The following ADGRB3 variants were observed in gnomAD, a reference collection of about 807,000 sequenced individuals.
The protein encoded by ADGRB3 is brain-specific angiogenesis inhibitor 3.
ADGRB3 carries 37 observed loss-of-function variants against 193.4 expected under a neutral mutation model. That is an observed-to-expected ratio of 0.19 (90% CI 0.15 to 0.25). ADGRB3 has a LOEUF of 0.25. ADGRB3 is among the 10% of genes least tolerant of loss of function. The probability of loss-of-function intolerance (pLI) is 1.00; values close to 1 mark genes in which losing one functional copy is unlikely to be tolerated. For synonymous variants in ADGRB3, 690 were observed against 644.2 expected, an observed-to-expected ratio of 1.07 and a Z score of -1.08; for missense variants, 1,637 against 1,852.9, an observed-to-expected ratio of 0.88 and a Z score of 2.14.
intron 3 of ADGRB3, among the ~76,000 whole-genome samples, chr6:68,825,667 C>G (rs1767829592): frequency 6.6e-6 from 1 of 151,964 alleles, no homozygotes; most frequent in Non-Finnish European, 1.5e-5. Context: ...GGTGGTTTCC[C>G]CCATGCTGTT....
chr6:68,797,961 C>T (rs1182965994), intron 3 of ADGRB3, among the ~76,000 whole-genome samples: 1 of 152,076 alleles, frequency 6.6e-6, no homozygotes, highest in East Asian at 1.9e-4. Flanking sequence ...TAGCTGTGGG[C>T]ATTTTCTATT....
At chr6:68,883,410 A>G (rs1038188657) in intron 3 of ADGRB3, among the ~76,000 whole-genome samples, 2 of 152,198 alleles carry the variant, frequency 1.3e-5, no homozygotes, top group Non-Finnish European at 2.9e-5. Context: ...CAGCTGCGGC[A>G]ATCAGGTTGC....
At chr6:68,781,597 C>A (rs2127361285) in intron 3 of ADGRB3, among the ~76,000 whole-genome samples, 1 of 151,830 alleles carries the variant, frequency 6.6e-6, no homozygotes, top group East Asian at 1.9e-4. Flanking sequence ...TATATTCATA[C>A]CAGATAAATC....
intron 21 of ADGRB3, among the ~76,000 whole-genome samples, chr6:69,325,299 GCT>G (rs1768543933): frequency 6.6e-6 from 1 of 151,956 alleles, no homozygotes; most frequent in African/African-American, 2.4e-5. Flanking sequence ...GAAAAACAGT[GCT>G]CTCTGTTAAT....
chr6:68,969,896 T>C (rs1235522592), intron 8 of ADGRB3, among the ~76,000 whole-genome samples: 1 of 152,206 alleles, frequency 6.6e-6, no homozygotes, highest in Non-Finnish European at 1.5e-5. Flanking sequence ...TTGAATCATT[T>C]CACTTTTTTA....
Position 68,993,912 on chromosome 6 carries a change from A to G in ADGRB3, c.1879A>G (p.Thr627Ala), listed in dbSNP as rs758025679. ...GTCTGTGGAGATCCTGAGAAATGTG[A>G]CAGACACATTTAAAAGGGCAAGTTA... is the stretch of plus-strand genomic sequence containing the variant. Reference protein sequence around the residue: ...LMSVEILRNVTDTFKRASYIP... With the variant: ...LMSVEILRNVADTFKRASYIP... Residue 627 changes from threonine to alanine, a missense_variant, in exon 11 of 32, where the codon ACA (threonine) becomes GCA (alanine). Transcript: ENST00000370598. 6.2e-7 allele frequency: 1 copy of G among 1,613,866 alleles called. No homozygotes were observed. The highest frequency in any genetic ancestry group is 1.1e-5 in the South Asian group (1 of 91,064).
intron 3 of ADGRB3, among the ~76,000 whole-genome samples, chr6:68,886,370 A>C (rs1765908025): frequency 6.6e-6 from 1 of 152,100 alleles, no homozygotes; most frequent in South Asian, 2.1e-4. Flanking sequence ...CTCTCTTCTA[A>C]CAGGAGCAAC....
intron 3 of ADGRB3, among the ~76,000 whole-genome samples, chr6:68,897,963 A>G (rs537599700): frequency 5.4e-5 from 8 of 147,658 alleles, no homozygotes; most frequent in African/African-American, 9.8e-5. Context: ...ATAATATAAT[A>G]ATAATTATAT....
At chr6:68,898,695 A>T (rs144834605) in intron 3 of ADGRB3, among the ~76,000 whole-genome samples, 22 of 152,280 alleles carry the variant, frequency 1.4e-4, no homozygotes, top group African/African-American at 4.8e-4. Context: ...GAAATCAGTC[A>T]AATGCCAACT....
chr6:69,270,498 A>T (rs1250584479), intron 20 of ADGRB3, among the ~76,000 whole-genome samples: 1 of 152,204 alleles, frequency 6.6e-6, no homozygotes, highest in Non-Finnish European at 1.5e-5. Flanking sequence ...TTGAGAAAAG[A>T]AAATAACACT....
At chr6:69,030,107 G>T (rs1426522966) in intron 13 of ADGRB3, among the ~76,000 whole-genome samples, 1 of 151,806 alleles carries the variant, frequency 6.6e-6, no homozygotes, top group Non-Finnish European at 1.5e-5. Flanking sequence ...TAAAAAGTCA[G>T]GAAACAACAG....
intron 17 of ADGRB3, among the ~76,000 whole-genome samples, chr6:69,223,315 C>G (rs1582557348): frequency 1.3e-5 from 2 of 152,166 alleles, no homozygotes; most frequent in African/African-American, 2.4e-5. Context: ...ATCAAAATCA[C>G]ATATTCCTGG....
chr6:68,776,034 T>C (rs1419516525), intron 3 of ADGRB3, among the ~76,000 whole-genome samples: 1 of 152,160 alleles, frequency 6.6e-6, no homozygotes, highest in Non-Finnish European at 1.5e-5. Context: ...TGACTGAGAA[T>C]TTTCCTTACA....
At chr6:68,876,801 A>G (rs1237985863) in intron 3 of ADGRB3, among the ~76,000 whole-genome samples, 1 of 152,094 alleles carries the variant, frequency 6.6e-6, no homozygotes, top group Admixed American at 6.6e-5. Flanking sequence ...TCTGCAAAAT[A>G]TTTACAAACT....
At chr6:69,002,189 G>A (rs182851342) in intron 11 of ADGRB3, among the ~76,000 whole-genome samples, 1 of 150,878 alleles carries the variant, frequency 6.6e-6, no homozygotes, top group East Asian at 2.0e-4. Flanking sequence ...GAAAGCAGAA[G>A]TAGTAATTTC....
At chr6:68,905,624 G>C (rs970888426) in intron 3 of ADGRB3, among the ~76,000 whole-genome samples, 2 of 152,070 alleles carry the variant, frequency 1.3e-5, no homozygotes, top group Admixed American at 6.6e-5. Flanking sequence ...CCTGCTGCAG[G>C]CTGGTCCATG....
At chr6:69,228,447 G>A (rs1243370791) in intron 17 of ADGRB3, among the ~76,000 whole-genome samples, 3 of 152,174 alleles carry the variant, frequency 2.0e-5, no homozygotes, top group Non-Finnish European at 4.4e-5. Flanking sequence ...ATATTATGAT[G>A]TTGAATGGAA....
At chr6:68,767,534 C>A (rs1046873805) in intron 3 of ADGRB3, among the ~76,000 whole-genome samples, 1 of 152,046 alleles carries the variant, frequency 6.6e-6, no homozygotes, top group African/African-American at 2.4e-5. Flanking sequence ...ATTGATGGAT[C>A]GTATCTCAAA....
intron 17 of ADGRB3, among the ~76,000 whole-genome samples, chr6:69,169,487 A>G (rs1401564193): frequency 6.6e-6 from 1 of 150,454 alleles, no homozygotes; most frequent in African/African-American, 2.4e-5. Flanking sequence ...TTAATGATAT[A>G]AAAGTAATTA....
Sources: allele counts gnomAD v4.1 joint callset (sites outside exome capture counted in the v4.1 genomes callset), GRCh38; gene constraint gnomAD v4.1.1; transcripts MANE v1.5; gene names NCBI Gene and HGNC (gene_info 2026-07-23, HGNC 2026-07-21).